WNK3: variants seen among roughly 807,000 people sequenced by gnomAD.
WNK3 encodes the protein WNK lysine deficient protein kinase 3.
Under a neutral mutation model 116.7 loss-of-function variants are expected in WNK3, and 18 were observed. That is an observed-to-expected ratio of 0.15 (90% CI 0.11 to 0.23). The LOEUF (loss-of-function observed/expected upper bound fraction) is 0.23. Ranked by LOEUF, WNK3 falls within the 10% of genes least tolerant of loss-of-function variation. The probability of loss-of-function intolerance (pLI) is 1.00; values close to 1 mark genes in which losing one functional copy is unlikely to be tolerated. For synonymous variants in WNK3, 404 were observed against 469.4 expected (o/e 0.86, Z 1.80); for missense variants, 993 against 1,323.8 (o/e 0.75, Z 3.88).
intron 10 of WNK3, among the ~76,000 whole-genome samples, chrX:54,288,965 T>C (rs1372095278): frequency 8.9e-6 from 1 of 111,827 alleles, no homozygotes; most frequent in Non-Finnish European, 1.9e-5. Flanking sequence ...GTTATGAAGG[T>C]TGCATGTTCA....
intron 10 of WNK3, among the ~76,000 whole-genome samples, chrX:54,268,619 G>A (rs1557158470): frequency 8.9e-6 from 1 of 111,877 alleles, no homozygotes; most frequent in African/African-American, 3.2e-5. Flanking sequence ...CTGTCTTGCT[G>A]TGGCCAGAAA....
intron 15 of WNK3, 35 bp from the exon 16 acceptor site, chrX:54,250,166 G>T (rs1304667953): frequency 1.8e-6 from 2 of 1,128,884 alleles, no homozygotes; most frequent in African/African-American, 3.7e-5. Context: ...AATATGCTAA[G>T]CTATTTTCAA....
chrX:54,295,053 C>T (rs1053346560), intron 7 of WNK3, among the ~76,000 whole-genome samples: 37 of 108,510 alleles, frequency 3.4e-4, no homozygotes, highest in African/African-American at 7.7e-4. Context: ...CCCGCCACCA[C>T]GCCCAGCTAA....
chrX:54,353,780 A>G (rs1403008112), intron 1 of WNK3, among the ~76,000 whole-genome samples: 1 of 108,324 alleles, frequency 9.2e-6, no homozygotes, highest in East Asian at 2.9e-4. Context: ...AAACACAGAA[A>G]ACAATGTACT....
chrX:54,307,882 G>A (rs372274040), intron 5 of WNK3, 40 bp downstream of exon 5: 25 of 1,098,322 alleles, frequency 2.3e-5, no homozygotes, highest in Non-Finnish European at 3.0e-5. Context: ...AACATGAAAC[G>A]TGGCAACTGA....
chrX:54,299,132 A>T (rs1324918661), intron 6 of WNK3, among the ~76,000 whole-genome samples: 1 of 112,173 alleles, frequency 8.9e-6, no homozygotes, highest in East Asian at 2.8e-4. Flanking sequence ...TACTTTTACT[A>T]ACTTTTAAAA....
At chrX:54,302,741 A>C (rs868957498) in intron 5 of WNK3, among the ~76,000 whole-genome samples, 17 of 41,750 alleles carry the variant, frequency 4.1e-4, no homozygotes, top group African/African-American at 1.3e-3. Context: ...CTATATATAT[A>C]TATATATATA....
At chrX:54,323,693 A>C (rs1381774164) in intron 2 of WNK3, among the ~76,000 whole-genome samples, 3 of 111,388 alleles carry the variant, frequency 2.7e-5, no homozygotes, top group Non-Finnish European at 5.6e-5. Context: ...TCCTTTAAAC[A>C]AACCTATATT....
chrX:54,237,445 T>C lies in WNK3; in HGVS notation c.4121A>G (p.Lys1374Arg), dbSNP rs782642108. Reference sequence around the variant, plus strand: ...TTCTACCAACTGAGACTTTGCTGTTTTAATAAAGGCTTCTTCACTAGAATG... The same window carrying C: ...TTCTACCAACTGAGACTTTGCTGTTCTAATAAAGGCTTCTTCACTAGAATG... Residue 1374 changes from lysine (K) to arginine (R), a missense_variant, in exon 20 of 24, where the codon AAA becomes AGA. By Grantham distance (26) the Lys-to-Arg change is conservative. Transcript: ENST00000354646. 26 of 1,205,978 alleles carry C rather than the reference T, an allele frequency of 2.2e-5. No individual in the cohort carries two copies. The highest frequency in any genetic ancestry group is 6.7e-5 in the Admixed American group (3 of 44,840).
In WNK3 at chrX:54,356,210, A is replaced by T. The variant is rs1349622653; in HGVS notation, c.-120+1476T>A. 2.7e-5 allele frequency among the ~76,000 whole-genome samples: 3 copies of T among 112,267 alleles called. No individual in the cohort carries two copies. In the East Asian group the frequency reaches 8.4e-4, roughly 31 times the overall value. On this transcript the variant is annotated intron_variant, in intron 1 of 23. Coordinates refer to ENST00000354646, the Ensembl canonical transcript of WNK3. Reference sequence around the variant, plus strand: ...TATTCAGAGAACAAAATGTTCACGTAATCTGTTGTAATTTAAACTCACACC... The same window carrying T: ...TATTCAGAGAACAAAATGTTCACGTTATCTGTTGTAATTTAAACTCACACC...
intron 10 of WNK3, among the ~76,000 whole-genome samples, chrX:54,292,667 T>C (rs2147107741): frequency 2.0e-5 from 2 of 97,958 alleles, no homozygotes; most frequent in South Asian, 1.0e-3. Context: ...GATTGCACCA[T>C]TGCACTCCAG....
chrX:54,300,789 G>A (rs1311255939), intron 6 of WNK3, among the ~76,000 whole-genome samples: 1 of 112,016 alleles, frequency 8.9e-6, no homozygotes, highest in African/African-American at 3.2e-5. Context: ...ATGGGCAAAA[G>A]AGTTGAATAG....
At chrX:54,202,909 C>T (rs1255412068) in intron 22 of WNK3, among the ~76,000 whole-genome samples, 3 of 108,562 alleles carry the variant, frequency 2.8e-5, no homozygotes, top group Non-Finnish European at 5.7e-5. Flanking sequence ...AATGGGAAAA[C>T]AAGGCCCAGA....
intron 7 of WNK3, among the ~76,000 whole-genome samples, chrX:54,296,889 C>T (rs1262318909): frequency 9.0e-6 from 1 of 110,735 alleles, no homozygotes; most frequent in Admixed American, 9.7e-5. Context: ...AGAGTGGGGG[C>T]TGGTCACAGA....
intron 4 of WNK3, among the ~76,000 whole-genome samples, chrX:54,308,578 G>A (rs1224651550): frequency 8.9e-6 from 1 of 111,882 alleles, no homozygotes; most frequent in Non-Finnish European, 1.9e-5. Context: ...TACTGATAGA[G>A]TGTAATTTGT....
chrX:54,223,658 T>C (rs900903544), intron 22 of WNK3: 2 of 118,114 alleles, frequency 1.7e-5, no homozygotes, highest in African/African-American at 3.2e-5. Context: ...AAGAAGATCA[T>C]TGGTCCAGAC....
chrX:54,210,636 AATAG>A (rs1312253647), intron 22 of WNK3, among the ~76,000 whole-genome samples: 2 of 111,578 alleles, frequency 1.8e-5, no homozygotes, highest in African/African-American at 3.3e-5. Context: ...CTAAAAAATA[AATAG>A]ATAAATAACA....
chrX:54,319,079 A>C lies in WNK3; in HGVS notation c.538-7788T>G, dbSNP rs1371519313. 6.3e-5 allele frequency among the ~76,000 whole-genome samples: 7 copies of C among 110,644 alleles called. No homozygotes were observed. The Admixed American group carries it at 6.8e-4, about 11-fold the overall frequency. ...AGGTATGAGCCACTGCACCCAGCCC[A>C]ACCTGACTAATAAGTCTTAAGTGCC... is the stretch of plus-strand genomic sequence containing the variant. On this transcript the variant is annotated intron_variant, in intron 2 of 23. Transcript: ENST00000354646.
At chrX:54,298,103 G>T in intron 7 of WNK3, 72 bp downstream of exon 7, 1 of 729,978 alleles carries the variant, frequency 1.4e-6, no homozygotes, top group Non-Finnish European at 2.1e-6. Flanking sequence ...AGGAAAGAAA[G>T]CAATGAGAAG....
Sources: allele counts gnomAD v4.1 joint callset (sites outside exome capture counted in the v4.1 genomes callset), GRCh38; gene constraint gnomAD v4.1.1; transcripts MANE v1.5; gene names NCBI Gene and HGNC (gene_info 2026-07-23, HGNC 2026-07-21).